The following KCNIP4 variants were observed in gnomAD, a reference collection of about 807,000 sequenced individuals.
The protein encoded by KCNIP4 is Kv channel-interacting protein 4.
KCNIP4 carries 12 observed loss-of-function variants against 34.0 expected under a neutral mutation model. That is an observed-to-expected ratio of 0.35 (90% CI 0.23 to 0.57). The LOEUF (loss-of-function observed/expected upper bound fraction) is 0.57, where lower values mean the gene tolerates loss of function less well. Ranked by LOEUF, KCNIP4 falls within the 20% of genes least tolerant of loss-of-function variation. The pLI is 0.83. For synonymous variants in KCNIP4, 124 were observed against 102.2 expected (o/e 1.21, Z -1.29); for missense variants, 238 against 311.7 (o/e 0.76, Z 1.78).
At chr4:21,188,976 T>C (rs1755443266) in intron 1 of KCNIP4, among the ~76,000 whole-genome samples, 1 of 152,146 alleles carries the variant, frequency 6.6e-6, no homozygotes, top group Non-Finnish European at 1.5e-5. Flanking sequence ...AGTCCTAGAA[T>C]TGAATCTGAA....
intron 1 of KCNIP4, among the ~76,000 whole-genome samples, chr4:21,174,625 C>T (rs778889243): frequency 6.6e-6 from 1 of 152,172 alleles, no homozygotes; most frequent in East Asian, 1.9e-4. Context: ...GTAGGCTGGG[C>T]GCAGTGGCTC....
At chr4:21,836,057 A>G (rs1176916331) in intron 1 of KCNIP4, among the ~76,000 whole-genome samples, 1 of 152,120 alleles carries the variant, frequency 6.6e-6, no homozygotes, top group Non-Finnish European at 1.5e-5. Context: ...AAAATTCAGG[A>G]ACCTCTTTGG....
chr4:21,343,319 G>T (rs796865817), intron 1 of KCNIP4, among the ~76,000 whole-genome samples: 5 of 152,136 alleles, frequency 3.3e-5, no homozygotes, highest in African/African-American at 1.2e-4. Context: ...TATTTAGGTA[G>T]ATACTACTTA....
intron 1 of KCNIP4, among the ~76,000 whole-genome samples, chr4:21,789,754 T>A (rs1388459790): frequency 6.6e-6 from 1 of 152,212 alleles, no homozygotes; most frequent in Admixed American, 6.5e-5. Context: ...AAAGACAAGA[T>A]ATTTGTGCTT....
intron 1 of KCNIP4, among the ~76,000 whole-genome samples, chr4:21,158,442 G>T (rs887930264): frequency 1.3e-5 from 2 of 152,112 alleles, no homozygotes; most frequent in Admixed American, 6.6e-5. Context: ...TGTATAAAAT[G>T]ATAATGCATT....
At position 21,533,125 on chromosome 4, in the gene KCNIP4, C is replaced by A. The variant is rs190988916; in HGVS notation, c.61+415446G>T. 1.5e-3 allele frequency among the ~76,000 whole-genome samples: 230 copies of A among 151,672 alleles called. 1 individual carries two copies. The highest frequency in any genetic ancestry group is 5.7e-4 in the Non-Finnish European group (39 of 67,922). ...AAGTTTAAAATCCATTTTAGAGAGCCAATTATTGATGTTTAAAGTCTGTAA... is the reference window on the plus strand; with the variant it reads ...AAGTTTAAAATCCATTTTAGAGAGCAAATTATTGATGTTTAAAGTCTGTAA... On this transcript the variant is annotated intron_variant, in intron 1 of 8. Coordinates refer to ENST00000382152, the MANE Select transcript of KCNIP4 (RefSeq NM_025221.6).
At chr4:21,852,205 C>A in intron 1 of KCNIP4, 1 of 68,190 alleles carries the variant, frequency 1.5e-5, no homozygotes, top group South Asian at 1.0e-3. Context: ...GAGAGTCTGT[C>A]CCGGGAAGGC....
At chr4:21,103,397 C>T (rs1748138677) in intron 1 of KCNIP4, among the ~76,000 whole-genome samples, 1 of 144,616 alleles carries the variant, frequency 6.9e-6, no homozygotes, top group South Asian at 2.1e-4. Context: ...TATATATCTC[C>T]AATATCTAAA....
chr4:21,440,911 G>T (rs1313138598), intron 1 of KCNIP4, among the ~76,000 whole-genome samples: 1 of 152,006 alleles, frequency 6.6e-6, no homozygotes, highest in Non-Finnish European at 1.5e-5. Context: ...TCAGGAAAAA[G>T]AAAATTAATA....
At chr4:21,268,175 A>G (rs1017526585) in intron 1 of KCNIP4, among the ~76,000 whole-genome samples, 3 of 152,192 alleles carry the variant, frequency 2.0e-5, no homozygotes, top group Non-Finnish European at 2.9e-5. Context: ...TCATGTATCA[A>G]TCTTTCTACA....
chr4:21,188,722 A>G (rs1560793501), intron 1 of KCNIP4, among the ~76,000 whole-genome samples: 1 of 152,208 alleles, frequency 6.6e-6, no homozygotes, highest in Non-Finnish European at 1.5e-5. Context: ...ATCCCCTCAC[A>G]AGAGTAGCAT....
At chr4:21,867,945 C>T (rs1725532216) in intron 1 of KCNIP4, among the ~76,000 whole-genome samples, 1 of 151,998 alleles carries the variant, frequency 6.6e-6, no homozygotes. Flanking sequence ...TCTAGTGCAC[C>T]CTATATTTTT....
intron 2 of KCNIP4, among the ~76,000 whole-genome samples, chr4:20,877,536 C>T (rs575443031): frequency 1.3e-5 from 2 of 151,990 alleles, no homozygotes; most frequent in Non-Finnish European, 2.9e-5. Flanking sequence ...AAATAATCTC[C>T]CTTGTCTAGT....
chr4:21,925,036 T>C (rs1485620326), intron 1 of KCNIP4, among the ~76,000 whole-genome samples: 2 of 152,174 alleles, frequency 1.3e-5, no homozygotes, highest in Non-Finnish European at 2.9e-5. Flanking sequence ...CAGTCATACT[T>C]GATTTCTGTC....
chr4:20,947,432 G>T (rs926548925), intron 1 of KCNIP4, among the ~76,000 whole-genome samples: 4 of 152,090 alleles, frequency 2.6e-5, no homozygotes, highest in African/African-American at 9.7e-5. Context: ...GCCTCCCAAA[G>T]TGCTGGGATT....
intron 1 of KCNIP4, among the ~76,000 whole-genome samples, chr4:21,258,085 T>C (rs1308837035): frequency 6.6e-6 from 1 of 152,178 alleles, no homozygotes; most frequent in African/African-American, 2.4e-5. Flanking sequence ...TAAAAAAAAT[T>C]AGCCTTTCCA....
intron 1 of KCNIP4, among the ~76,000 whole-genome samples, chr4:21,206,994 C>T (rs890788867): frequency 3.3e-5 from 5 of 152,186 alleles, no homozygotes; most frequent in African/African-American, 1.2e-4. Flanking sequence ...ATGTTTTTGG[C>T]AGATGATCAC....
intron 1 of KCNIP4, among the ~76,000 whole-genome samples, chr4:21,261,720 CTCTACG>C (rs1171682430): frequency 6.6e-6 from 1 of 152,128 alleles, no homozygotes; most frequent in Non-Finnish European, 1.5e-5. Context: ...GTCCTATTGG[CTCTACG>C]TCTACAATAC....
intron 1 of KCNIP4, among the ~76,000 whole-genome samples, chr4:21,259,587 A>C (rs1271872286): frequency 6.6e-6 from 1 of 152,198 alleles, no homozygotes; most frequent in East Asian, 1.9e-4. Flanking sequence ...TATTACAGAA[A>C]AAAACACATT....
Sources: allele counts gnomAD v4.1 joint callset (sites outside exome capture counted in the v4.1 genomes callset), GRCh38; gene constraint gnomAD v4.1.1; transcripts MANE v1.5; gene names NCBI Gene and HGNC (gene_info 2026-07-23, HGNC 2026-07-21).